Variants in NKAIN2 observed in about 807,000 individuals in gnomAD.
NKAIN2 encodes the protein sodium/potassium-transporting ATPase subunit beta-1-interacting protein 2.
In NKAIN2, 14 loss-of-function variants were observed where a neutral mutation model predicts 32.6. That is an observed-to-expected ratio of 0.43 (90% CI 0.28 to 0.67). NKAIN2 has a LOEUF of 0.67. Ranked by LOEUF, NKAIN2 falls within the 30% of genes least tolerant of loss-of-function variation. The probability of loss-of-function intolerance (pLI) is 0.17; values close to 1 mark genes in which losing one functional copy is unlikely to be tolerated. For synonymous variants in NKAIN2, 80 were observed against 87.2 expected (o/e 0.92, Z 0.46); for missense variants, 198 against 258.3 (o/e 0.77, Z 1.60).
intron 1 of NKAIN2, among the ~76,000 whole-genome samples, chr6:123,899,665 C>G (rs1018144396): frequency 1.3e-5 from 2 of 152,110 alleles, no homozygotes; most frequent in Non-Finnish European, 2.9e-5. Context: ...TGTAAGCAGC[C>G]CCTTCTGAAA....
chr6:124,410,821 G>T (rs1396162237), intron 3 of NKAIN2, among the ~76,000 whole-genome samples: 2 of 152,004 alleles, frequency 1.3e-5, no homozygotes, highest in African/African-American at 4.8e-5. Context: ...TTATTGTGTG[G>T]GAGTCTAAGT....
At chr6:124,294,400 G>C (rs952615193) in intron 2 of NKAIN2, among the ~76,000 whole-genome samples, 1 of 151,664 alleles carries the variant, frequency 6.6e-6, no homozygotes, top group Non-Finnish European at 1.5e-5. Context: ...CACACAGTCT[G>C]TTTGTCAAAT....
chr6:124,478,777 G>A (rs1352849415), intron 3 of NKAIN2, among the ~76,000 whole-genome samples: 1 of 152,134 alleles, frequency 6.6e-6, no homozygotes, highest in African/African-American at 2.4e-5. Flanking sequence ...TGCCCTCAAG[G>A]AGATAAGGCA....
chr6:123,882,964 GGTGTGT>G (rs68068463), intron 1 of NKAIN2, among the ~76,000 whole-genome samples: 1 of 150,112 alleles, frequency 6.7e-6, no homozygotes, highest in Non-Finnish European at 1.5e-5. Flanking sequence ...TTTGGTCTGG[GGTGTGT>G]GTGTGTGTGT....
At chr6:124,253,842 T>G (rs1793799169) in intron 1 of NKAIN2, among the ~76,000 whole-genome samples, 1 of 151,124 alleles carries the variant, frequency 6.6e-6, no homozygotes, top group Non-Finnish European at 1.5e-5. Flanking sequence ...TTTTTTTTTT[T>G]TTTTTTTTGA....
At chr6:124,733,739 G>A (rs1776798687) in intron 4 of NKAIN2, among the ~76,000 whole-genome samples, 1 of 151,608 alleles carries the variant, frequency 6.6e-6, no homozygotes, top group Admixed American at 6.6e-5. Flanking sequence ...GAATATAGAT[G>A]CATATAGTTA....
At chr6:124,162,286 C>T (rs1461576886) in intron 1 of NKAIN2, among the ~76,000 whole-genome samples, 1 of 152,062 alleles carries the variant, frequency 6.6e-6, no homozygotes, top group Non-Finnish European at 1.5e-5. Context: ...GACTATTAGA[C>T]TGGTATGATG....
intron 1 of NKAIN2, among the ~76,000 whole-genome samples, chr6:123,935,288 G>A (rs1460936265): frequency 1.3e-5 from 2 of 151,268 alleles, no homozygotes; most frequent in African/African-American, 2.4e-5. Context: ...TTGGGGAGGT[G>A]TGAAATTATG....
chr6:124,194,457 T>G (rs904475923), intron 1 of NKAIN2, among the ~76,000 whole-genome samples: 2 of 152,156 alleles, frequency 1.3e-5, no homozygotes, highest in African/African-American at 4.8e-5. Context: ...TGGCAATATT[T>G]TTTAATTGGA....
intron 3 of NKAIN2, among the ~76,000 whole-genome samples, chr6:124,364,219 G>A (rs1418779919): frequency 7.6e-6 from 1 of 131,908 alleles, no homozygotes; most frequent in Non-Finnish European, 1.6e-5. Flanking sequence ...CTAAAGCACA[G>A]GAAAGGGTTA....
chr6:124,490,430 T>TTA, intron 3 of NKAIN2: 1 of 407,818 alleles, frequency 2.5e-6, no homozygotes, highest in Non-Finnish European at 4.7e-6. Flanking sequence ...TTTTTTTTTT[T>TTA]AAGAATTCTT....
At chr6:123,924,751 A>G (rs559802946) in intron 1 of NKAIN2, among the ~76,000 whole-genome samples, 141 of 152,250 alleles carry the variant, frequency 9.3e-4, no homozygotes, top group Middle Eastern at 3.4e-3. Context: ...TAACTATAAT[A>G]TAATTTCATG....
chr6:124,687,747 C>CACACACAT (rs1774047188), intron 4 of NKAIN2, among the ~76,000 whole-genome samples: 2 of 130,920 alleles, frequency 1.5e-5, no homozygotes, highest in Non-Finnish European at 3.2e-5. Flanking sequence ...GATATATACA[C>CACACACAT]ACACACACAC....
In NKAIN2 at chr6:124,020,237, A is replaced by G. The variant is rs769080065; in HGVS notation, c.54+215983A>G. 6.8e-4 allele frequency among the ~76,000 whole-genome samples: 103 copies of G among 152,250 alleles called. 1 individual carries two copies. Among genetic ancestry groups the G allele is most frequent in the Non-Finnish European group, 5.3e-4 (36 of 67,986 alleles). On this transcript the variant is annotated intron_variant, in intron 1 of 6. Coordinates refer to ENST00000368417, the MANE Select transcript of NKAIN2 (RefSeq NM_001040214.3). Reference sequence around the variant, plus strand: ...TGTGAAAATGGGTCATTCTGTTCTTAGTAAAGGAGTAATATTCTTCCTGCC... The same window carrying G: ...TGTGAAAATGGGTCATTCTGTTCTTGGTAAAGGAGTAATATTCTTCCTGCC...
At chr6:124,107,835 A>G (rs1223419750) in intron 1 of NKAIN2, among the ~76,000 whole-genome samples, 1 of 152,130 alleles carries the variant, frequency 6.6e-6, no homozygotes, top group Non-Finnish European at 1.5e-5. Context: ...TTCAGAGTTC[A>G]TTCATGTTGT....
intron 1 of NKAIN2, among the ~76,000 whole-genome samples, chr6:123,974,749 G>T (rs1263008406): frequency 6.6e-6 from 1 of 152,144 alleles, no homozygotes; most frequent in Admixed American, 6.6e-5. Flanking sequence ...ACCCTCAAAA[G>T]GGAATTGATA....
intron 1 of NKAIN2, among the ~76,000 whole-genome samples, chr6:124,111,128 C>T (rs77718264): frequency 0.027 from 4,107 of 152,126 alleles, 153 homozygotes; most frequent in East Asian, 0.1. Flanking sequence ...CTTATGTGAT[C>T]TAACATATGA....
intron 2 of NKAIN2, among the ~76,000 whole-genome samples, chr6:124,322,384 G>A (rs1054047694): frequency 2.0e-4 from 31 of 152,108 alleles, no homozygotes; most frequent in Middle Eastern, 3.4e-3. Flanking sequence ...TTCCCTAATC[G>A]TTATATTCTA....
intron 3 of NKAIN2, among the ~76,000 whole-genome samples, chr6:124,408,377 G>A (rs984935810): frequency 2.6e-5 from 4 of 152,130 alleles, no homozygotes; most frequent in Non-Finnish European, 5.9e-5. Context: ...TTTTGTATGA[G>A]GTGTAAGGAA....
Sources: gnomAD v4.1 joint callset for allele counts (sites outside exome capture counted in the v4.1 genomes callset) on GRCh38, gnomAD v4.1.1 for gene constraint, MANE v1.5 for transcripts, NCBI Gene and HGNC (gene_info 2026-07-23, HGNC 2026-07-21) for gene names.